Variants in NKAIN3 observed in about 807,000 individuals in gnomAD.
NKAIN3 encodes the protein sodium/potassium transporting ATPase interacting 3.
In NKAIN3, 25 loss-of-function variants were observed where a neutral mutation model predicts 30.2. The ratio of observed to expected loss-of-function variants is 0.83; its 90% CI spans 0.60 to 1.16. NKAIN3 has a LOEUF of 1.16. Ranked by LOEUF, NKAIN3 falls within the 50% of genes most tolerant of loss-of-function variation. The pLI is 0.00. For synonymous variants in NKAIN3, 91 were observed against 89.6 expected, an observed-to-expected ratio of 1.02 and a Z score of -0.09; for missense variants, 225 against 254.1, an observed-to-expected ratio of 0.89 and a Z score of 0.78.
intron 1 of NKAIN3, among the ~76,000 whole-genome samples, chr8:62,398,916 CGT>C (rs1817848610): frequency 6.6e-6 from 1 of 152,068 alleles, no homozygotes. Flanking sequence ...ATGGTGAAAC[CGT>C]GTCTCTACTA....
chr8:62,931,573 T>C (rs1822619662), intron 5 of NKAIN3, among the ~76,000 whole-genome samples: 3 of 152,190 alleles, frequency 2.0e-5, no homozygotes, highest in African/African-American at 7.2e-5. Flanking sequence ...AACTTAAGAT[T>C]TCTATATGTT....
downstream of NKAIN3, chr8:62,984,953 G>A (rs1824173464): frequency 1.3e-5 from 2 of 152,104 alleles, no homozygotes; most frequent in South Asian, 4.1e-4. Flanking sequence ...TATATTTATT[G>A]TAGTAAACTT....
chr8:62,302,228 G>A (rs1401559244), intron 1 of NKAIN3, among the ~76,000 whole-genome samples: 2 of 152,036 alleles, frequency 1.3e-5, no homozygotes, highest in African/African-American at 2.4e-5. Flanking sequence ...CTACTCATTA[G>A]GAAGAAAGCA....
chr8:62,604,183 G>A (rs1473154575), intron 3 of NKAIN3, among the ~76,000 whole-genome samples: 1 of 152,124 alleles, frequency 6.6e-6, no homozygotes, highest in Non-Finnish European at 1.5e-5. Flanking sequence ...AGAAGATGAG[G>A]CAGAACTGGC....
intron 1 of NKAIN3, among the ~76,000 whole-genome samples, chr8:62,403,936 C>G (rs1018025122): frequency 3.3e-5 from 5 of 152,248 alleles, no homozygotes; most frequent in African/African-American, 1.2e-4. Context: ...GGGAGGGGGA[C>G]TGTACCTGTA....
chr8:62,952,748 T>G (rs1487660422), intron 5 of NKAIN3, among the ~76,000 whole-genome samples: 1 of 152,184 alleles, frequency 6.6e-6, no homozygotes, highest in Non-Finnish European at 1.5e-5. Context: ...CAGAAAACAT[T>G]GACATATCTC....
chr8:62,731,451 G>A (rs7010605), intron 3 of NKAIN3, among the ~76,000 whole-genome samples: 27,484 of 151,894 alleles, frequency 0.18, 2,686 homozygotes, highest in East Asian at 0.39. Flanking sequence ...CTCAATACAA[G>A]GAAAATGATT....
chr8:62,890,184 G>T (rs1227322706), intron 4 of NKAIN3, among the ~76,000 whole-genome samples: 2 of 152,180 alleles, frequency 1.3e-5, no homozygotes, highest in South Asian at 2.1e-4. Flanking sequence ...CCCTTGGAAG[G>T]ATAGTAAGCC....
At chr8:62,400,197 A>T (rs1420542004) in intron 1 of NKAIN3, among the ~76,000 whole-genome samples, 3 of 120,466 alleles carry the variant, frequency 2.5e-5, no homozygotes, top group Admixed American at 1.0e-4. Context: ...ACAGAGTTTC[A>T]CTCTGTCACC....
At chr8:62,855,358 A>G (rs1820031178) in intron 4 of NKAIN3, 6 of 694,970 alleles carry the variant, frequency 8.6e-6, no homozygotes, top group South Asian at 4.8e-5. Context: ...TCTTCAGCCC[A>G]TATGCCTCTT....
chr8:62,619,554 T>C (rs1332141567), intron 3 of NKAIN3, among the ~76,000 whole-genome samples: 1 of 152,306 alleles, frequency 6.6e-6, no homozygotes, highest in South Asian at 2.1e-4. Flanking sequence ...ATGTATTTGA[T>C]TGATGTCTCA....
intron 3 of NKAIN3, among the ~76,000 whole-genome samples, chr8:62,625,969 A>G (rs2130247409): frequency 6.6e-6 from 1 of 152,222 alleles, no homozygotes; most frequent in Admixed American, 6.5e-5. Flanking sequence ...CATATAAGTA[A>G]GAAAACTGAG....
At chr8:62,377,025 T>C (rs4738965) in intron 1 of NKAIN3, among the ~76,000 whole-genome samples, 1 of 152,176 alleles carries the variant, frequency 6.6e-6, no homozygotes, top group Non-Finnish European at 1.5e-5. Flanking sequence ...TTTTCATGAA[T>C]TTCAAGAAGT....
intron 4 of NKAIN3, among the ~76,000 whole-genome samples, chr8:62,865,403 A>G (rs1820386602): frequency 6.6e-6 from 1 of 152,200 alleles, no homozygotes; most frequent in Non-Finnish European, 1.5e-5. Context: ...ATTACAAGTG[A>G]GCTGGCTTCA....
chr8:62,600,106 T>A (rs920279746), intron 3 of NKAIN3, among the ~76,000 whole-genome samples: 7 of 152,156 alleles, frequency 4.6e-5, no homozygotes, highest in Admixed American at 3.9e-4. Context: ...TAAAATAATT[T>A]AAAAATTTCT....
chr8:62,332,009 T>C (rs1436809311), intron 1 of NKAIN3, among the ~76,000 whole-genome samples: 3 of 152,124 alleles, frequency 2.0e-5, no homozygotes, highest in African/African-American at 7.2e-5. Context: ...AGGGAACAAT[T>C]AAGGAATTAT....
chr8:62,285,983 C>G (rs1813367754), intron 1 of NKAIN3, among the ~76,000 whole-genome samples: 1 of 152,128 alleles, frequency 6.6e-6, no homozygotes, highest in Non-Finnish European at 1.5e-5. Flanking sequence ...CTTGCAGTGG[C>G]TTACATATTT....
intron 4 of NKAIN3, among the ~76,000 whole-genome samples, chr8:62,767,615 C>T (rs1182989568): frequency 6.6e-6 from 1 of 151,852 alleles, no homozygotes. Context: ...TTTTCAGTGT[C>T]TACATAGTCT....
chr8:62,465,835 C>G (rs1806145607), intron 1 of NKAIN3, among the ~76,000 whole-genome samples: 4 of 152,018 alleles, frequency 2.6e-5, no homozygotes. Flanking sequence ...CCAGCCTGGC[C>G]AACATGGTGA....
Sources: gnomAD v4.1 joint callset for allele counts (sites outside exome capture counted in the v4.1 genomes callset) on GRCh38, gnomAD v4.1.1 for gene constraint, MANE v1.5 for transcripts, NCBI Gene and HGNC (gene_info 2026-07-23, HGNC 2026-07-21) for gene names.